EFNA5: variants seen among roughly 807,000 people sequenced by gnomAD.
EFNA5 encodes ephrin A5, also known as ephrin-A5.
EFNA5 carries 5 observed loss-of-function variants against 22.9 expected under a neutral mutation model. The observed-to-expected ratio is 0.22, with a 90% CI of 0.11 to 0.46. The LOEUF is 0.46. Among genes scored for constraint, EFNA5 ranks in the 20% least tolerant of loss-of-function variants. The pLI is 0.99. For synonymous variants in EFNA5, 113 were observed against 112.2 expected, an observed-to-expected ratio of 1.01 and a Z score of -0.04; for missense variants, 237 against 293.3, an observed-to-expected ratio of 0.81 and a Z score of 1.40.
intron 1 of EFNA5, among the ~76,000 whole-genome samples, chr5:107,509,376 T>A (rs1747317794): frequency 1.3e-5 from 2 of 151,618 alleles, no homozygotes; most frequent in Admixed American, 1.3e-4. Flanking sequence ...TGCAGTGCAA[T>A]GGTGCGATCT....
intron 2 of EFNA5, among the ~76,000 whole-genome samples, chr5:107,400,912 T>C (rs1365223757): frequency 1.3e-5 from 2 of 152,182 alleles, no homozygotes; most frequent in South Asian, 2.1e-4. Context: ...TATTGAGAGA[T>C]TTGTTTACTA....
intron 1 of EFNA5, among the ~76,000 whole-genome samples, chr5:107,510,803 C>T (rs867072842): frequency 6.6e-6 from 1 of 152,076 alleles, no homozygotes; most frequent in African/African-American, 2.4e-5. Context: ...ATCAGTTTCT[C>T]CAAAGCTACA....
intron 1 of EFNA5, among the ~76,000 whole-genome samples, chr5:107,474,980 T>C (rs1256812940): frequency 2.0e-5 from 3 of 152,226 alleles, no homozygotes; most frequent in African/African-American, 7.2e-5. Flanking sequence ...ACAGTGTTTG[T>C]GCAATGTGAG....
intron 1 of EFNA5, among the ~76,000 whole-genome samples, chr5:107,590,022 G>A (rs1749283539): frequency 6.6e-6 from 1 of 152,188 alleles, no homozygotes; most frequent in South Asian, 2.1e-4. Flanking sequence ...CGTAAGACCA[G>A]AGATACAGCC....
In EFNA5 at chr5:107,381,397, C is replaced by A. The variant is rs368510840; in HGVS notation, c.566-21G>T. On this transcript the variant is annotated intron_variant, in intron 4 of 4. Coordinates refer to ENST00000333274, the MANE Select transcript of EFNA5 (RefSeq NM_001962.3). ...GTCATCTGTTCAAATAGAAAGCACA[C>A]ATTCCAATGAGATTTCACATCCTTA... 3.8e-6 allele frequency: 6 copies of A among 1,592,674 alleles called. No homozygotes were observed. In the African/African-American group the frequency reaches 8.0e-5, roughly 21 times the overall value.
chr5:107,481,903 C>T (rs971644067), intron 1 of EFNA5, among the ~76,000 whole-genome samples: 8 of 150,866 alleles, frequency 5.3e-5, no homozygotes, highest in African/African-American at 1.7e-4. Flanking sequence ...GTCAGGGTTA[C>T]AATAAGGTCT....
chr5:107,645,281 T>C (rs1239293895), intron 1 of EFNA5, among the ~76,000 whole-genome samples: 2 of 152,188 alleles, frequency 1.3e-5, no homozygotes, highest in East Asian at 3.9e-4. Flanking sequence ...CTTGTAGAAG[T>C]TGAAGTAATT....
intron 2 of EFNA5, among the ~76,000 whole-genome samples, chr5:107,405,742 C>A (rs1047527136): frequency 7.9e-5 from 12 of 152,012 alleles, no homozygotes; most frequent in South Asian, 4.2e-4. Context: ...CCAATGGCTC[C>A]AATCTGACTC....
At chr5:107,604,684 G>C (rs1242951993) in intron 1 of EFNA5, among the ~76,000 whole-genome samples, 4 of 152,196 alleles carry the variant, frequency 2.6e-5, no homozygotes, top group Non-Finnish European at 5.9e-5. Flanking sequence ...ACACAGATCT[G>C]TAGTATCTAT....
intron 1 of EFNA5, among the ~76,000 whole-genome samples, chr5:107,468,040 AATGCTCAAT>A (rs1175467656): frequency 1.3e-5 from 2 of 152,210 alleles, no homozygotes; most frequent in African/African-American, 4.8e-5. Flanking sequence ...CACTTCGTTT[AATGCTCAAT>A]ATCACTGACA....
At chr5:107,411,554 T>G (rs1748366444) in intron 2 of EFNA5, among the ~76,000 whole-genome samples, 1 of 152,214 alleles carries the variant, frequency 6.6e-6, no homozygotes, top group Non-Finnish European at 1.5e-5. Context: ...TACTTGTTTC[T>G]ATATTTAAGA....
At chr5:107,396,164 C>G (rs192183149) in intron 2 of EFNA5, among the ~76,000 whole-genome samples, 1 of 152,178 alleles carries the variant, frequency 6.6e-6, no homozygotes, top group African/African-American at 2.4e-5. Flanking sequence ...TTTCAAAACC[C>G]CTTTCATTAT....
chr5:107,429,272 G>A (rs1455568153), intron 1 of EFNA5, among the ~76,000 whole-genome samples: 1 of 152,142 alleles, frequency 6.6e-6, no homozygotes. Context: ...GCGAAACCTT[G>A]TCTCTACTAA....
intron 1 of EFNA5, among the ~76,000 whole-genome samples, chr5:107,512,134 G>A (rs554299407): frequency 6.6e-6 from 1 of 152,264 alleles, no homozygotes; most frequent in South Asian, 2.1e-4. Flanking sequence ...AGATGTAAAT[G>A]GCATTTGCCT....
intron 1 of EFNA5, among the ~76,000 whole-genome samples, chr5:107,599,003 G>A (rs1018607821): frequency 2.0e-5 from 3 of 152,172 alleles, no homozygotes; most frequent in Non-Finnish European, 4.4e-5. Flanking sequence ...ACAGTTCAAA[G>A]CATGGCTTCC....
chr5:107,528,111 T>C (rs1303527251), intron 1 of EFNA5, among the ~76,000 whole-genome samples: 2 of 152,196 alleles, frequency 1.3e-5, no homozygotes, highest in African/African-American at 4.8e-5. Flanking sequence ...ACAGGCAGTA[T>C]AGCAGGAGTT....
chr5:107,613,903 C>T (rs1023899044), intron 1 of EFNA5, among the ~76,000 whole-genome samples: 3 of 152,048 alleles, frequency 2.0e-5, no homozygotes, highest in South Asian at 2.1e-4. Context: ...CAATTCCATA[C>T]GATTTCTAGG....
At chr5:107,628,872 G>A (rs1173983515) in intron 1 of EFNA5, among the ~76,000 whole-genome samples, 2 of 152,126 alleles carry the variant, frequency 1.3e-5, no homozygotes, top group Non-Finnish European at 2.9e-5. Context: ...CTAAAAACAA[G>A]TCATATAAGG....
intron 1 of EFNA5, among the ~76,000 whole-genome samples, chr5:107,466,158 A>T (rs931621523): frequency 4.6e-5 from 7 of 152,162 alleles, no homozygotes; most frequent in African/African-American, 1.4e-4. Context: ...TTAGAGATGC[A>T]GCCCTTTGCT....
Sources: allele counts gnomAD v4.1 joint callset (sites outside exome capture counted in the v4.1 genomes callset), GRCh38; gene constraint gnomAD v4.1.1; transcripts MANE v1.5; gene names NCBI Gene and HGNC (gene_info 2026-07-23, HGNC 2026-07-21).